The following NEMP2 variants were observed in gnomAD, a reference collection of about 807,000 sequenced individuals.
NEMP2 encodes the protein nuclear envelope integral membrane protein 2.
In NEMP2, 53 loss-of-function variants were observed where a neutral mutation model predicts 54.2. The observed-to-expected ratio is 0.98, with a 90% CI of 0.78 to 1.23. The LOEUF (loss-of-function observed/expected upper bound fraction) is 1.23, where lower values mean the gene tolerates loss of function less well. NEMP2 is among the 50% of genes most tolerant of loss of function. The probability of loss-of-function intolerance (pLI) is 0.00; values close to 1 mark genes in which losing one functional copy is unlikely to be tolerated. For missense variants in NEMP2, 455 were observed against 511.3 expected (o/e 0.89, Z 1.06); for synonymous variants, 197 against 190.3 (o/e 1.04, Z -0.29).
the NEMP2 span, chr2:190,489,678 T>C: frequency 2.4e-6 from 3 of 1,233,850 alleles, no homozygotes; most frequent in Non-Finnish European, 3.4e-6. The surrounding 1 kb of genome is among the most constrained non-coding windows in gnomAD (Gnocchi z 6.6). Context: ...TGTGCTTCCT[T>C]TGCTTTGATC....
the NEMP2 span, among the ~76,000 whole-genome samples, chr2:190,453,012 G>T: frequency 2.0e-5 from 3 of 152,144 alleles, no homozygotes; most frequent in Non-Finnish European, 2.9e-5. Flanking sequence ...TAGGGTTGCA[G>T]TGTTGAATAT....
At chr2:190,535,659 G>C (rs1409873240), upstream of NEMP2, among the ~76,000 whole-genome samples, 2 of 152,194 alleles carry the variant, frequency 1.3e-5, no homozygotes, top group African/African-American at 2.4e-5. Flanking sequence ...GTCTGAGTAG[G>C]ATGGACTAGG....
chr2:190,438,919 G>A, the NEMP2 span, among the ~76,000 whole-genome samples: 1 of 151,934 alleles, frequency 6.6e-6, no homozygotes, highest in Non-Finnish European at 1.5e-5. The surrounding 1 kb of genome is among the most constrained non-coding windows in gnomAD (Gnocchi z 5.2). Flanking sequence ...GTTTTGCTTC[G>A]GGAGGTGGTG....
At chr2:190,551,103 G>A in the NEMP2 span, among the ~76,000 whole-genome samples, 1 of 129,330 alleles carries the variant, frequency 7.7e-6, no homozygotes, top group Non-Finnish European at 1.6e-5. Flanking sequence ...TTTTTTTTAA[G>A]TTCATCCATC....
At chr2:190,499,976 A>G (rs1559148148), downstream of NEMP2, 3 of 1,609,774 alleles carry the variant, frequency 1.9e-6, no homozygotes, top group East Asian at 2.2e-5. The surrounding 1 kb of genome is among the most constrained non-coding windows in gnomAD (Gnocchi z 6.0). Flanking sequence ...TTTATTTGCT[A>G]TCACTGATCA....
At chr2:190,589,746 A>G in the NEMP2 span, among the ~76,000 whole-genome samples, 35,314 of 152,120 alleles carry the variant, frequency 0.23, 5,228 homozygotes, top group Non-Finnish European at 0.33. The surrounding 1 kb of genome is among the most constrained non-coding windows in gnomAD (Gnocchi z 4.3). Flanking sequence ...AGCTGTTCTC[A>G]TGGCTCTGGC....
intron 1 of NEMP2, 176 bp downstream of exon 1, chr2:190,534,383 A>G: frequency 8.3e-7 from 1 of 1,210,616 alleles, no homozygotes; most frequent in Non-Finnish European, 1.0e-6. Context: ...ACGGAAGCCC[A>G]GTAAGACAGG....
chr2:190,478,728 A>AGGCTGGGGAATGGGAT, the NEMP2 span, among the ~76,000 whole-genome samples: 312 of 152,266 alleles, frequency 2.0e-3, 1 homozygote, highest in Admixed American at 0.018. Context: ...GGGAAGGGGA[A>AGGCTGGGGAATGGGAT]GGCTGGGGAA....
At chr2:190,501,011 G>A (rs1431936984), downstream of NEMP2, 1 of 152,110 alleles carries the variant, frequency 6.6e-6, no homozygotes, top group African/African-American at 2.4e-5. Context: ...TGATAGACAA[G>A]AGTTTACTAA....
chr2:190,575,474 T>G, the NEMP2 span, among the ~76,000 whole-genome samples: 2 of 152,206 alleles, frequency 1.3e-5, no homozygotes, highest in Non-Finnish European at 2.9e-5. Flanking sequence ...TCTTTTCCTC[T>G]CTTTCATTTT....
the NEMP2 span, among the ~76,000 whole-genome samples, chr2:190,615,268 C>T: frequency 6.6e-6 from 1 of 152,214 alleles, no homozygotes; most frequent in East Asian, 1.9e-4. This position sits in a 1 kb window ranked among gnomAD's most constrained non-coding sequence, Gnocchi z 4.7. Flanking sequence ...CAGAGGTTCA[C>T]ACGACTCCTT....
chr2:190,648,085 C>G, the NEMP2 span: 8 of 152,328 alleles, frequency 5.3e-5, no homozygotes, highest in African/African-American at 1.9e-4. Flanking sequence ...TATATTGTGC[C>G]TTGGGAACTC....
chr2:190,468,463 T>G, the NEMP2 span, among the ~76,000 whole-genome samples: 1 of 151,428 alleles, frequency 6.6e-6, no homozygotes, highest in Non-Finnish European at 1.5e-5. Flanking sequence ...ATTTTTTTTT[T>G]TTTTTTTGAG....
chr2:190,584,485 G>A, the NEMP2 span, among the ~76,000 whole-genome samples: 1 of 152,084 alleles, frequency 6.6e-6, no homozygotes, highest in Non-Finnish European at 1.5e-5. The surrounding 1 kb of genome is among the most constrained non-coding windows in gnomAD (Gnocchi z 4.2). Flanking sequence ...ATAGCTCCAA[G>A]TCCTCAAGAA....
At chr2:190,447,665 G>A in the NEMP2 span, among the ~76,000 whole-genome samples, 1 of 152,148 alleles carries the variant, frequency 6.6e-6, no homozygotes, top group South Asian at 2.1e-4. This position sits in a 1 kb window ranked among gnomAD's most constrained non-coding sequence, Gnocchi z 4.5. Context: ...TTATATGTGG[G>A]TAGATTTCTA....
At chr2:190,599,083 A>G in the NEMP2 span, among the ~76,000 whole-genome samples, 1 of 152,216 alleles carries the variant, frequency 6.6e-6, no homozygotes, top group African/African-American at 2.4e-5. Flanking sequence ...TCATAAAATC[A>G]GATGTGTTTC....
the NEMP2 span, among the ~76,000 whole-genome samples, chr2:190,446,264 A>C: frequency 3.3e-5 from 5 of 152,136 alleles, no homozygotes; most frequent in African/African-American, 1.2e-4. Flanking sequence ...AGAGTTTGAG[A>C]TTATAAGAGT....
the NEMP2 span, among the ~76,000 whole-genome samples, chr2:190,540,818 T>C: frequency 2.0e-5 from 3 of 152,208 alleles, no homozygotes; most frequent in Non-Finnish European, 4.4e-5. Flanking sequence ...AGTTTTTCTT[T>C]CAATGTTTGG....
At position 190,512,507 on chromosome 2, in the gene NEMP2, T is replaced by C. The variant is rs772025729; in HGVS notation, c.953+1946A>G. Among the ~76,000 whole-genome samples, 2 of 152,264 alleles carry C rather than the reference T, an allele frequency of 1.3e-5. No homozygotes were observed. Among genetic ancestry groups the C allele is most frequent in the Non-Finnish European group, 2.9e-5 (2 of 68,042 alleles). ...AGTTCCTGTTTCATCCCCTAATTCT[T>C]TATATAATTATTCACTAGCAAAATT... is the stretch of plus-strand genomic sequence containing the variant. On this transcript the variant is annotated intron_variant, in intron 7 of 8. Coordinates refer to ENST00000409150, the MANE Select transcript of NEMP2 (RefSeq NM_001142645.2). This position sits in a 1 kb window ranked among gnomAD's most constrained non-coding sequence, Gnocchi z 4.5.
Sources: allele counts gnomAD v4.1 joint callset (sites outside exome capture counted in the v4.1 genomes callset), GRCh38; gene constraint gnomAD v4.1.1; non-coding constraint Gnocchi (gnomAD v3.1); transcripts MANE v1.5; gene names NCBI Gene and HGNC (gene_info 2026-07-23, HGNC 2026-07-21).